The following DOCK3 variants were observed in gnomAD, a reference collection of about 807,000 sequenced individuals.
DOCK3 encodes the protein dedicator of cytokinesis 3.
In DOCK3, 60 loss-of-function variants were observed where a neutral mutation model predicts 265.6. That is an observed-to-expected ratio of 0.23 (90% CI 0.18 to 0.28). The LOEUF (loss-of-function observed/expected upper bound fraction) is 0.28. Ranked by LOEUF, DOCK3 falls within the 10% of genes least tolerant of loss-of-function variation. DOCK3 has a pLI of 1.00. For synonymous variants in DOCK3, 881 were observed against 938.0 expected (o/e 0.94, Z 1.11); for missense variants, 1,981 against 2,594.3 (o/e 0.76, Z 5.14).
chr3:50,788,801 G>A (rs1356766300), intron 2 of DOCK3, among the ~76,000 whole-genome samples: 1 of 149,986 alleles, frequency 6.7e-6, no homozygotes, highest in African/African-American at 2.4e-5. Context: ...AGGGAGGCAG[G>A]GGAGGGGGGT....
intron 24 of DOCK3, 118 bp downstream of exon 24, chr3:51,271,125 A>G (rs1320173810): frequency 1.7e-6 from 2 of 1,195,672 alleles, no homozygotes; most frequent in East Asian, 2.4e-5. Flanking sequence ...GCAAGAAACC[A>G]GTAACCCTTA....
At chr3:51,137,564 A>G (rs1437047520) in intron 9 of DOCK3, among the ~76,000 whole-genome samples, 2 of 152,220 alleles carry the variant, frequency 1.3e-5, no homozygotes, top group Non-Finnish European at 2.9e-5. Context: ...AATTGCCATC[A>G]GTGAAGGCAT....
intron 1 of DOCK3, among the ~76,000 whole-genome samples, chr3:50,699,362 G>A (rs531031455): frequency 2.0e-5 from 3 of 151,708 alleles, no homozygotes; most frequent in African/African-American, 7.3e-5. Context: ...TTCCAACTTT[G>A]TGCTTATTTT....
chr3:51,227,246 C>G, intron 15 of DOCK3, 37 bp from the exon 16 acceptor site: 1 of 1,604,030 alleles, frequency 6.2e-7, no homozygotes, highest in Non-Finnish European at 8.5e-7. Flanking sequence ...ACATTCCTAC[C>G]AGGAAGATGA....
At chr3:50,967,976 T>C (rs1290525155) in intron 5 of DOCK3, among the ~76,000 whole-genome samples, 1 of 152,226 alleles carries the variant, frequency 6.6e-6, no homozygotes. Context: ...CCATAATGGC[T>C]GTACTAATTT....
At chr3:50,885,853 G>A (rs770341167) in intron 3 of DOCK3, among the ~76,000 whole-genome samples, 6 of 152,118 alleles carry the variant, frequency 3.9e-5, no homozygotes, top group Non-Finnish European at 8.8e-5. Flanking sequence ...CCTTACTCGT[G>A]TGGGTGGGGA....
At chr3:51,145,727 G>C (rs1409796519) in intron 9 of DOCK3, among the ~76,000 whole-genome samples, 1 of 152,116 alleles carries the variant, frequency 6.6e-6, no homozygotes, top group East Asian at 1.9e-4. Flanking sequence ...CTGCCCTAAA[G>C]TGATTCTCAA....
chr3:51,362,691 G>A lies in DOCK3; in HGVS notation c.5293+17G>A. ...GTGCCCGAGGTAAGGATGGCAGGGT[G>A]CTACTTGCAGAATGGAGAAGAGAGG... On this transcript the variant is annotated intron_variant, in intron 49 of 52. Transcript: ENST00000266037. The A allele has an allele frequency of 6.2e-7, 1 of 1,610,618 alleles. No individual in the cohort carries two copies. The highest frequency in any genetic ancestry group is 8.5e-7 in the Non-Finnish European group (1 of 1,178,468).
intron 26 of DOCK3, chr3:51,278,353 C>A (rs1441748833): frequency 1.0e-6 from 1 of 985,290 alleles, no homozygotes; most frequent in Non-Finnish European, 1.2e-6. Flanking sequence ...GCCCCTCATG[C>A]ACCCCAACTC....
intron 3 of DOCK3, chr3:50,880,729 A>G (rs2047978678): frequency 2.0e-5 from 3 of 152,316 alleles, no homozygotes; most frequent in Admixed American, 2.0e-4. Context: ...TCTTTCTGAA[A>G]CTATTCCAAT....
rs2077277543 is a variant in DOCK3, at chr3:50,972,704, AAACAC to A, written c.315+38630_315+38634del. Among the ~76,000 whole-genome samples, 8 of 152,318 alleles carry A rather than the reference AAACAC, an allele frequency of 5.3e-5. No individual in the cohort carries two copies. In the South Asian group the frequency reaches 1.7e-3, roughly 32 times the overall value. On this transcript the variant is annotated intron_variant, in intron 5 of 52. Transcript: ENST00000266037. ...GTCTGCTAGGACTCCAGTGATGTGG[AAACAC>A]AAGCACTGAGGTTTCCTGGTGGATT...
At chr3:51,233,341 TC>T (rs1433155800) in intron 19 of DOCK3, among the ~76,000 whole-genome samples, 13 of 45,998 alleles carry the variant, frequency 2.8e-4, no homozygotes, top group South Asian at 1.1e-3. Flanking sequence ...TATCTATCTA[TC>T]TATCTATCTA....
intron 2 of DOCK3, among the ~76,000 whole-genome samples, chr3:50,840,418 C>G (rs1253797064): frequency 6.6e-6 from 1 of 152,156 alleles, no homozygotes; most frequent in African/African-American, 2.4e-5. Context: ...TATGTAGATT[C>G]ATTTTCTTTG....
intron 51 of DOCK3, among the ~76,000 whole-genome samples, chr3:51,379,020 C>T (rs183561528): frequency 2.0e-5 from 3 of 152,320 alleles, no homozygotes; most frequent in Admixed American, 2.0e-4. Context: ...TTGCTCCCTG[C>T]TTTTCCCACT....
chr3:51,186,698 G>C (rs1004674738), intron 12 of DOCK3, among the ~76,000 whole-genome samples: 3 of 152,180 alleles, frequency 2.0e-5, no homozygotes, highest in Non-Finnish European at 4.4e-5. Flanking sequence ...TAGCCTTGGT[G>C]CCCTGCATCT....
chr3:51,229,530 T>C lies in DOCK3; in HGVS notation c.1838T>C (p.Leu613Pro). The part of the protein sequence containing the change: ...LTQNVDLLAL[L>P]KWKAFPDRIM... The stretch of plus-strand genomic sequence containing the variant: ...TTTCTAGTGGACCTCCTAGCTCTGC[T>C]GAAGTGGAAAGCCTTCCCCGACCGG... Residue 613 changes from leucine (L) to proline (P), a missense_variant, in exon 19 of 53, where the codon CTG (leucine) becomes CCG (proline). By Grantham distance (98) the Leu-to-Pro change is moderately conservative. Coordinates refer to ENST00000266037, the MANE Select transcript of DOCK3 (RefSeq NM_004947.5). The C allele has an allele frequency of 3.1e-6, 5 of 1,606,958 alleles. No individual in the cohort carries two copies. Among genetic ancestry groups the C allele is most frequent in the Non-Finnish European group, 4.2e-6 (5 of 1,176,710 alleles).
rs1393396688 is a variant in DOCK3, at chr3:51,358,012, G to A, written c.4819G>A (p.Glu1607Lys). Reference protein sequence around the residue: ...LAVHEKFVHPEMRPLHKKLID... With the variant: ...LAVHEKFVHPKMRPLHKKLID... ...AGTTCATGAGAAGTTTGTGCACCCA[G>A]AAATGCGGCCTCTGCATAAGAAGCT... The change falls in exon 46 of 53, where the codon GAA becomes AAA. Residue 1607 changes from glutamate (E) to lysine (K), a missense_variant. Physicochemically the swap from Glu to Lys is moderately conservative, Grantham distance 56. This residue lies in a region of DOCK3 where 1,357 missense variants were observed against 1,866.8 expected (regional missense o/e 0.73). Coordinates refer to ENST00000266037, the MANE Select transcript of DOCK3 (RefSeq NM_004947.5). The A allele has an allele frequency of 1.2e-6, 2 of 1,614,008 alleles. No homozygotes were observed. Among genetic ancestry groups the A allele is most frequent in the Non-Finnish European group, 8.5e-7 (1 of 1,179,888 alleles).
chr3:50,784,318 A>G (rs745573858), intron 2 of DOCK3, among the ~76,000 whole-genome samples: 2 of 152,164 alleles, frequency 1.3e-5, no homozygotes, highest in Non-Finnish European at 2.9e-5. Context: ...TCATTTGGCT[A>G]TAAGTATTTG....
rs137878704 is a variant in DOCK3, at chr3:51,145,831, G to A, written c.747-718G>A. ...CCATAGACTGATGGGTGGAGGTGGT[G>A]GTGTGGGATGGTTTTGGGATGAAGC... is the stretch of plus-strand genomic sequence containing the variant. On this transcript the variant is annotated intron_variant, in intron 9 of 52. Coordinates refer to ENST00000266037, the MANE Select transcript of DOCK3 (RefSeq NM_004947.5). Among the ~76,000 whole-genome samples the A allele has an allele frequency of 6.9e-4, 105 of 152,254 alleles. 1 individual carries two copies. Among genetic ancestry groups the A allele is most frequent in the East Asian group, 5.8e-3 (30 of 5,178 alleles).
Sources: gnomAD v4.1 joint callset for allele counts (sites outside exome capture counted in the v4.1 genomes callset) on GRCh38, gnomAD v4.1.1 for gene constraint, gnomAD v4.1.1 regional missense constraint, MANE v1.5 for transcripts, NCBI Gene and HGNC (gene_info 2026-07-23, HGNC 2026-07-21) for gene names.